Variants in CSTF3 observed in about 807,000 individuals in gnomAD.
CSTF3 encodes the protein CF-1 77 kDa subunit.
A neutral mutation model predicts 105.8 loss-of-function variants in CSTF3; 29 were observed. That is an observed-to-expected ratio of 0.27 (90% CI 0.20 to 0.37). The LOEUF (loss-of-function observed/expected upper bound fraction) is 0.37, where lower values mean the gene tolerates loss of function less well. Ranked by LOEUF, CSTF3 falls within the 10% of genes least tolerant of loss-of-function variation. The pLI is 1.00. For missense variants in CSTF3, 357 were observed against 879.3 expected (o/e 0.41, Z 7.51); for synonymous variants, 252 against 281.9 (o/e 0.89, Z 1.06).
intron 3 of CSTF3, among the ~76,000 whole-genome samples, chr11:33,114,800 G>A (rs1056421747): frequency 1.3e-5 from 2 of 151,860 alleles, no homozygotes; most frequent in African/African-American, 4.8e-5. Context: ...GCAGTGAATC[G>A]AGACTGCACC....
At chr11:33,131,585 G>A (rs549467621) in intron 3 of CSTF3, among the ~76,000 whole-genome samples, 35 of 152,240 alleles carry the variant, frequency 2.3e-4, no homozygotes, top group African/African-American at 7.7e-4. Context: ...GGTGGCTCAC[G>A]CCTGTAATCC....
chr11:33,098,254 T>A (rs1251458250), intron 13 of CSTF3, among the ~76,000 whole-genome samples: 2 of 152,080 alleles, frequency 1.3e-5, no homozygotes, highest in African/African-American at 4.8e-5. Context: ...TAAAGTGAGT[T>A]TCAGTCTAAT....
At chr11:33,149,456 G>A (rs1161214051) in intron 1 of CSTF3, among the ~76,000 whole-genome samples, 1 of 152,216 alleles carries the variant, frequency 6.6e-6, no homozygotes, top group Non-Finnish European at 1.5e-5. Flanking sequence ...CGCTGAGAGT[G>A]AAGCATTTTT....
chr11:33,095,792 A>G (rs1302796620), intron 15 of CSTF3, among the ~76,000 whole-genome samples: 1 of 148,008 alleles, frequency 6.8e-6, no homozygotes, highest in East Asian at 2.0e-4. Context: ...ACTGCACTCC[A>G]GCCTGGGCGA....
At chr11:33,087,259 G>A (rs1307764580) in intron 17 of CSTF3, 118 bp from the exon 18 acceptor site, 2 of 1,032,298 alleles carry the variant, frequency 1.9e-6, no homozygotes, top group African/African-American at 3.2e-5. Flanking sequence ...AAAGAAAATG[G>A]AGACGGATAA....
At chr11:33,132,922 T>A (rs1055068878) in intron 3 of CSTF3, among the ~76,000 whole-genome samples, 2 of 152,048 alleles carry the variant, frequency 1.3e-5, no homozygotes, top group Non-Finnish European at 1.5e-5. Flanking sequence ...CCATTTCCTA[T>A]ATCATACAGT....
chr11:33,128,850 T>C (rs1315413298), intron 3 of CSTF3, among the ~76,000 whole-genome samples: 1 of 152,190 alleles, frequency 6.6e-6, no homozygotes, highest in African/African-American at 2.4e-5. Flanking sequence ...GTTTTCTCTC[T>C]TTCCTTTAAG....
chr11:33,088,291 T>C (rs113937570), intron 17 of CSTF3, among the ~76,000 whole-genome samples: 28 of 145,808 alleles, frequency 1.9e-4, no homozygotes, highest in African/African-American at 5.9e-4. Flanking sequence ...CTTACTCTCT[T>C]TTTTTTTTTT....
rs568454887 is a variant in CSTF3, at chr11:33,134,580, G to A, written c.225+7087C>T. ...TAGTGTTGTCATTTTGGATATTTAA[G>A]TTTTATAAAATTTAGTCTAATGTAA... On this transcript the variant is annotated intron_variant, in intron 3 of 20. Transcript: ENST00000323959. 7.3e-4 allele frequency: 111 copies of A among 152,206 alleles called. 4 individuals are homozygous for A. Among genetic ancestry groups the A allele is most frequent in the African/African-American group, 2.4e-3 (101 of 41,546 alleles). 9.4% of individuals were successfully genotyped at this position (152,206 alleles called of 1,614,324 possible).
chr11:33,123,934 A>G (rs1855518852), intron 3 of CSTF3, among the ~76,000 whole-genome samples: 1 of 151,986 alleles, frequency 6.6e-6, no homozygotes, highest in Non-Finnish European at 1.5e-5. Flanking sequence ...ATAAATACAC[A>G]TATATATGGA....
chr11:33,140,239 A>G (rs1325145152), intron 3 of CSTF3, among the ~76,000 whole-genome samples: 1 of 152,074 alleles, frequency 6.6e-6, no homozygotes, highest in Non-Finnish European at 1.5e-5. Context: ...CACGGGCTTC[A>G]GCATATTTCA....
intron 13 of CSTF3, among the ~76,000 whole-genome samples, chr11:33,097,931 T>C (rs939773382): frequency 6.6e-6 from 1 of 152,152 alleles, no homozygotes; most frequent in African/African-American, 2.4e-5. Context: ...TATGAGTTCC[T>C]CAAGAAAAGG....
chr11:33,132,989 A>AT (rs1470316279), intron 3 of CSTF3, among the ~76,000 whole-genome samples: 1 of 152,100 alleles, frequency 6.6e-6, no homozygotes, highest in Non-Finnish European at 1.5e-5. Context: ...TGAAGTAACA[A>AT]TTTTTAAGTT....
chr11:33,127,474 A>C (rs1382236902), intron 3 of CSTF3, among the ~76,000 whole-genome samples: 1 of 152,210 alleles, frequency 6.6e-6, no homozygotes, highest in Non-Finnish European at 1.5e-5. Context: ...CTGTCTTTTA[A>C]AAAATGTCAT....
chr11:33,105,976 C>T (rs1855321821), intron 6 of CSTF3, 22 bp downstream of exon 6: 1 of 1,590,282 alleles, frequency 6.3e-7, no homozygotes, highest in Non-Finnish European at 8.6e-7. Context: ...TAAGTGCATA[C>T]ATTAAAAAGT....
At position 33,085,001 on chromosome 11, in the gene CSTF3, T is replaced by G. The variant is rs1268521227; in HGVS notation, c.*86A>C. 6 of 1,426,198 alleles carry G rather than the reference T, an allele frequency of 4.2e-6. No individual in the cohort carries two copies. The East Asian group carries it at 9.1e-5, about 22-fold the overall frequency. 88.3% of individuals were successfully genotyped at this position (1,426,198 alleles called of 1,614,324 possible). On this transcript the variant is annotated 3_prime_UTR_variant, in exon 21 of 21. Coordinates refer to ENST00000323959, the MANE Select transcript of CSTF3 (RefSeq NM_001326.3). ...AATACAACTTTGTTTCCAAGAACCT[T>G]GTAACAAAGCGTTGTCTCTTTTAAA...
intron 1 of CSTF3, among the ~76,000 whole-genome samples, chr11:33,156,089 G>A (rs993351323): frequency 6.6e-6 from 1 of 152,054 alleles, no homozygotes; most frequent in Admixed American, 6.6e-5. Context: ...CTTCTCTTAG[G>A]AACAACTGTC....
At chr11:33,138,028 T>C (rs949645341) in intron 3 of CSTF3, among the ~76,000 whole-genome samples, 4 of 151,770 alleles carry the variant, frequency 2.6e-5, no homozygotes, top group Non-Finnish European at 5.9e-5. Context: ...CTGAAATGTA[T>C]GCTACACAAC....
intron 16 of CSTF3, 69 bp downstream of exon 16, chr11:33,092,202 C>G (rs1312848450): frequency 1.8e-6 from 2 of 1,088,280 alleles, no homozygotes; most frequent in Non-Finnish European, 2.7e-6. Context: ...AACATTCACC[C>G]CATAGACCAC....
Sources: allele counts gnomAD v4.1 joint callset (sites outside exome capture counted in the v4.1 genomes callset), GRCh38; gene constraint gnomAD v4.1.1; transcripts MANE v1.5; gene names NCBI Gene and HGNC (gene_info 2026-07-23, HGNC 2026-07-21).